ACACB: variants seen among roughly 807,000 people sequenced by gnomAD.
ACACB encodes acetyl-CoA carboxylase 2.
A neutral mutation model predicts 278.8 loss-of-function variants in ACACB; 209 were observed. That is an observed-to-expected ratio of 0.75 (90% confidence interval 0.67 to 0.84). ACACB has a LOEUF of 0.84. ACACB is among the 40% of genes least tolerant of loss of function. The probability of loss-of-function intolerance (pLI) is 0.00; values close to 1 mark genes in which losing one functional copy is unlikely to be tolerated. For missense variants in ACACB, 2,850 were observed against 3,269.0 expected, an observed-to-expected ratio of 0.87 and a Z score of 3.13; for synonymous variants, 1,174 against 1,285.6, an observed-to-expected ratio of 0.91 and a Z score of 1.86.
At chr12:109,144,754 C>CTTTTTTTTTTTTTTTT (rs71079528) in intron 2 of ACACB, among the ~76,000 whole-genome samples, 1 of 102,818 alleles carries the variant, frequency 9.7e-6, no homozygotes, top group African/African-American at 3.9e-5. Context: ...TTCTTTCTTT[C>CTTTTTTTTTTTTTTTT]TTTTTTTTTT....
intron 32 of ACACB, 64 bp from the exon 33 acceptor site, chr12:109,235,542 G>A: frequency 6.8e-7 from 1 of 1,481,418 alleles, no homozygotes; most frequent in Non-Finnish European, 9.4e-7. Flanking sequence ...ACTAAATAAG[G>A]ATGTACATAT....
chr12:109,224,005 T>A (rs2046250355), intron 27 of ACACB, 101 bp downstream of exon 27: 2 of 984,414 alleles, frequency 2.0e-6, no homozygotes, highest in Non-Finnish European at 3.3e-6. Flanking sequence ...TTGGTGAATG[T>A]GATCCTATCC....
chr12:109,197,631 C>T (rs1236285388), intron 17 of ACACB, among the ~76,000 whole-genome samples: 1 of 152,048 alleles, frequency 6.6e-6, no homozygotes, highest in Non-Finnish European at 1.5e-5. Context: ...GAAAGGGTGT[C>T]GTGTACCTGA....
At position 109,191,763 on chromosome 12, in the gene ACACB, G is replaced by A; in HGVS notation, c.2295G>A (p.Gln765=). 6.2e-7 allele frequency: 1 copy of A among 1,614,150 alleles called. No homozygotes were observed. Among genetic ancestry groups the A allele is most frequent in the Non-Finnish European group, 8.5e-7 (1 of 1,180,002 alleles). ...WLDYLIAEKV[Q]AEKPDIMLGV... ...ACTACCTCATTGCTGAGAAAGTGCA[G>A]GTAGGGAGTGAGCTGCCTGTGTCTC... The change falls in exon 14 of 53, where the codon CAG becomes CAA. Residue 765 remains glutamine (Q), a splice_region_variant and synonymous_variant. Coordinates refer to ENST00000338432, the MANE Select transcript of ACACB (RefSeq NM_001093.4).
At chr12:109,117,075 C>T (rs1222905615) in intron 1 of ACACB, among the ~76,000 whole-genome samples, 28 of 106,402 alleles carry the variant, frequency 2.6e-4, no homozygotes, top group Non-Finnish European at 3.6e-4. Context: ...TTTTTTAAAG[C>T]AGACTAAGGC....
At chr12:109,138,857 C>CA (rs908315591) in intron 1 of ACACB, among the ~76,000 whole-genome samples, 9 of 151,666 alleles carry the variant, frequency 5.9e-5, no homozygotes, top group South Asian at 2.1e-4. Flanking sequence ...CATCTCAAAA[C>CA]AAAAAAACAA....
chr12:109,188,031 A>G lies in ACACB; in HGVS notation c.2013A>G (p.Glu671=), dbSNP rs750908485. ...GFKPSSGTVQ[E]LNFRSSKNVW... ...AGCCGAGCTCCGGGACTGTCCAGGA[A>G]CTGAATTTCCGGAGCAGCAAGAACG... Residue 671 remains glutamate (E), a synonymous_variant, in exon 13 of 53, where the codon GAA becomes GAG. Coordinates refer to ENST00000338432, the MANE Select transcript of ACACB (RefSeq NM_001093.4). 1.2e-6 allele frequency: 2 copies of G among 1,612,642 alleles called. No homozygotes were observed. The highest frequency in any genetic ancestry group is 1.7e-6 in the Non-Finnish European group (2 of 1,178,830).
In ACACB at chr12:109,166,898, C is replaced by T. The variant is rs528602761; in HGVS notation, c.691C>T (p.Arg231Trp). The change falls in exon 3 of 53, where the codon CGG becomes TGG. Residue 231 changes from arginine (R) to tryptophan (W), a missense_variant. Arg to Trp is a moderately radical substitution (Grantham distance 101). Coordinates refer to ENST00000338432, the MANE Select transcript of ACACB (RefSeq NM_001093.4). ...MSGLHLVKRG[R>W]EHKKLDLHRD... is the part of the protein sequence containing the mutation. ...GGGACTCCACCTGGTGAAGAGGGGA[C>T]GGGAACACAAGAAGCTGGACCTGCA... The T allele has an allele frequency of 1.2e-5, 19 of 1,613,908 alleles. No homozygotes were observed. The highest frequency in any genetic ancestry group is 2.7e-5 in the African/African-American group (2 of 74,920).
chr12:109,266,568 T>G lies in ACACB; in HGVS notation c.*206T>G. 2.2e-6 allele frequency: 1 copy of G among 460,064 alleles called. No individual in the cohort carries two copies. The highest frequency in any genetic ancestry group is 3.6e-6 in the Non-Finnish European group (1 of 277,004). 28.5% of individuals were successfully genotyped at this position (460,064 alleles called of 1,614,324 possible). On this transcript the variant is annotated 3_prime_UTR_variant, in exon 53 of 53. Coordinates refer to ENST00000338432, the MANE Select transcript of ACACB (RefSeq NM_001093.4). ...CCAAACAAAAACAGCCTCCTCTCCATAGCTGGGAAGTTTATTTTGTTTTGT... is the reference window on the plus strand; with the variant it reads ...CCAAACAAAAACAGCCTCCTCTCCAGAGCTGGGAAGTTTATTTTGTTTTGT...
At chr12:109,208,026 C>A (rs2045572153) in intron 20 of ACACB, among the ~76,000 whole-genome samples, 1 of 152,098 alleles carries the variant, frequency 6.6e-6, no homozygotes, top group African/African-American at 2.4e-5. Flanking sequence ...ATCCTCCCAG[C>A]AACCGATAAG....
chr12:109,250,184 C>T (rs557047804), intron 41 of ACACB, 80 bp downstream of exon 41: 44 of 1,410,554 alleles, frequency 3.1e-5, no homozygotes, highest in East Asian at 5.3e-5. Flanking sequence ...TAGAGAGAAT[C>T]AATAATAAGC....
chr12:109,261,193 A>C (rs1029925065), intron 48 of ACACB, among the ~76,000 whole-genome samples: 1 of 152,232 alleles, frequency 6.6e-6, no homozygotes, highest in African/African-American at 2.4e-5. Flanking sequence ...TGAAAACTAC[A>C]TGCTACACAG....
At chr12:109,240,378 G>A (rs574477509) in intron 35 of ACACB, among the ~76,000 whole-genome samples, 5 of 152,134 alleles carry the variant, frequency 3.3e-5, no homozygotes, top group Non-Finnish European at 5.9e-5. Context: ...TGGTGATTCT[G>A]GAATGAAAGA....
At position 109,235,740 on chromosome 12, in the gene ACACB, G is replaced by A. The variant is rs549110074; in HGVS notation, c.4446+93G>A. 58 of 1,179,192 alleles carry A rather than the reference G, an allele frequency of 4.9e-5. 1 individual carries two copies. Among genetic ancestry groups the A allele is most frequent in the Middle Eastern group, 2.6e-4 (1 of 3,840 alleles). 73.0% of individuals were successfully genotyped at this position (1,179,192 alleles called of 1,614,324 possible). A position where few individuals can be genotyped will look rare whatever the true frequency, so the allele number is the denominator to read the frequency against. Reference sequence around the variant, plus strand: ...GGGCCGGGTGTGGTGGCTCAAGCCCGTAATCCTAGCACTTTGGGAGGCTGA... The same window carrying A: ...GGGCCGGGTGTGGTGGCTCAAGCCCATAATCCTAGCACTTTGGGAGGCTGA... On this transcript the variant is annotated intron_variant, in intron 33 of 52. Coordinates refer to ENST00000338432, the MANE Select transcript of ACACB (RefSeq NM_001093.4).
intron 19 of ACACB, among the ~76,000 whole-genome samples, chr12:109,205,422 T>G (rs1232285452): frequency 6.6e-6 from 1 of 151,620 alleles, no homozygotes; most frequent in Non-Finnish European, 1.5e-5. Context: ...GAAGCTATGA[T>G]CAGATTGTGT....
intron 1 of ACACB, among the ~76,000 whole-genome samples, chr12:109,118,775 T>C (rs578191713): frequency 2.0e-5 from 3 of 152,158 alleles, no homozygotes; most frequent in Non-Finnish European, 2.9e-5. Flanking sequence ...TACTTCAAAG[T>C]AGAGTTCACC....
intron 10 of ACACB, 131 bp from the exon 11 acceptor site, chr12:109,179,786 T>A: frequency 9.1e-7 from 1 of 1,096,292 alleles, no homozygotes; most frequent in South Asian, 1.6e-5. Context: ...CCACCACACC[T>A]GGCCAGTCCC....
chr12:109,163,903 G>T (rs139680578), intron 2 of ACACB, among the ~76,000 whole-genome samples: 164 of 152,328 alleles, frequency 1.1e-3, no homozygotes, highest in African/African-American at 3.7e-3. Flanking sequence ...TCCCACTTCA[G>T]CTTCCAAAAG....
intron 2 of ACACB, among the ~76,000 whole-genome samples, chr12:109,162,619 G>A (rs534033831): frequency 1.1e-3 from 173 of 152,318 alleles, no homozygotes; most frequent in Non-Finnish European, 1.7e-3. Context: ...CATGGGGCCT[G>A]TATCCCAAAT....
Sources: gnomAD v4.1 joint callset for allele counts (sites outside exome capture counted in the v4.1 genomes callset) on GRCh38, gnomAD v4.1.1 for gene constraint, MANE v1.5 for transcripts, NCBI Gene and HGNC (gene_info 2026-07-23, HGNC 2026-07-21) for gene names.